ITGA9: variants seen among roughly 807,000 people sequenced by gnomAD.
ITGA9 encodes integrin alpha-9.
ITGA9 carries 56 observed loss-of-function variants against 127.8 expected under a neutral mutation model. The observed-to-expected ratio is 0.44, with a 90% confidence interval of 0.35 to 0.55. ITGA9 has a LOEUF of 0.55. ITGA9 is among the 20% of genes least tolerant of loss of function. ITGA9 has a pLI of 0.00. For synonymous variants in ITGA9, 508 were observed against 514.5 expected (o/e 0.99, Z 0.17); for missense variants, 1,196 against 1,347.1 (o/e 0.89, Z 1.76).
Position 37,535,769 on chromosome 3 carries a change from G to T in ITGA9, c.1528+2301G>T, listed in dbSNP as rs546853592. 2.6e-5 allele frequency among the ~76,000 whole-genome samples: 4 copies of T among 152,312 alleles called. No homozygotes were observed. In the East Asian group the frequency reaches 7.7e-4, roughly 29 times the overall value. Reference sequence around the variant, plus strand: ...TTCCCCGATAATCAGGCTTAAAGGGGATGGTAACTGGAGAATTTTGATATC... The same window carrying T: ...TTCCCCGATAATCAGGCTTAAAGGGTATGGTAACTGGAGAATTTTGATATC... On this transcript the variant is annotated intron_variant, in intron 14 of 27. Transcript: ENST00000264741.
chr3:37,473,202 C>T, intron 2 of ITGA9, 152 bp from the exon 3 acceptor site: 1 of 325,056 alleles, frequency 3.1e-6, no homozygotes, highest in Non-Finnish European at 5.9e-6. Flanking sequence ...AAACAGTTGT[C>T]TGGATTAAAC....
chr3:37,628,442 C>T (rs1025045088), intron 15 of ITGA9, among the ~76,000 whole-genome samples: 2 of 152,176 alleles, frequency 1.3e-5, no homozygotes, highest in African/African-American at 4.8e-5. Context: ...CTTTACCAGC[C>T]ATGTGCCCTG....
At chr3:37,818,659 T>C (rs1697472013) in intron 27 of ITGA9, 1 of 571,988 alleles carries the variant, frequency 1.7e-6, no homozygotes, top group Admixed American at 2.9e-5. Flanking sequence ...AGATGCATTT[T>C]AGAAGGAACA....
At chr3:37,637,200 T>C (rs1299124543) in intron 16 of ITGA9, among the ~76,000 whole-genome samples, 1 of 152,184 alleles carries the variant, frequency 6.6e-6, no homozygotes, top group Non-Finnish European at 1.5e-5. Context: ...GGGGATGGCA[T>C]TGAATCTATA....
intron 26 of ITGA9, among the ~76,000 whole-genome samples, chr3:37,798,382 A>G (rs1697199202): frequency 6.6e-6 from 1 of 152,258 alleles, no homozygotes; most frequent in Admixed American, 6.5e-5. Context: ...AAAGATGATT[A>G]CATATCCTTT....
At position 37,519,372 on chromosome 3, in the gene ITGA9, G is replaced by T. The variant is rs1699021905; in HGVS notation, c.1236+18G>T. The T allele has an allele frequency of 8.9e-6, 14 of 1,573,070 alleles. No homozygotes were observed. The highest frequency in any genetic ancestry group is 1.3e-5 in the African/African-American group (1 of 74,328). On this transcript the variant is annotated intron_variant, in intron 11 of 27. Coordinates refer to ENST00000264741, the MANE Select transcript of ITGA9 (RefSeq NM_002207.3). ...ACTCAATGGTAATTAGTGTGAGAGT[G>T]ATATGGCAACTGTTCATACATTCAT...
intron 16 of ITGA9, among the ~76,000 whole-genome samples, chr3:37,638,558 C>T (rs1483483671): frequency 6.6e-6 from 1 of 151,970 alleles, no homozygotes; most frequent in Non-Finnish European, 1.5e-5. Flanking sequence ...TGATCTTTAA[C>T]CTGTGTATAT....
At chr3:37,776,537 A>C (rs1421739306) in intron 23 of ITGA9, among the ~76,000 whole-genome samples, 1 of 152,268 alleles carries the variant, frequency 6.6e-6, no homozygotes, top group Non-Finnish European at 1.5e-5. Context: ...TTAACCTCAC[A>C]TCCTGTCCAG....
chr3:37,490,230 C>A (rs562594357), intron 4 of ITGA9, among the ~76,000 whole-genome samples: 1 of 151,988 alleles, frequency 6.6e-6, no homozygotes, highest in Non-Finnish European at 1.5e-5. Context: ...TTAGAACTGG[C>A]GGGAAAGTTG....
At chr3:37,728,416 A>G (rs761895527) in intron 18 of ITGA9, among the ~76,000 whole-genome samples, 1 of 152,150 alleles carries the variant, frequency 6.6e-6, no homozygotes, top group Non-Finnish European at 1.5e-5. Context: ...TTTTATTTTT[A>G]TTTAAAGAAT....
chr3:37,517,465 T>C (rs1486869744), intron 9 of ITGA9, 39 bp from the exon 10 acceptor site: 2 of 1,401,528 alleles, frequency 1.4e-6, no homozygotes, highest in Non-Finnish European at 2.0e-6. Flanking sequence ...TGTTTGTTTT[T>C]GTTTTGTTTT....
intron 15 of ITGA9, among the ~76,000 whole-genome samples, chr3:37,567,357 G>C (rs1559538586): frequency 1.3e-5 from 2 of 152,180 alleles, no homozygotes; most frequent in Non-Finnish European, 2.9e-5. Flanking sequence ...TCCCATGACA[G>C]TGAGAATTGT....
At chr3:37,741,964 C>CT (rs1330213401) in intron 21 of ITGA9, 145 bp downstream of exon 21, 7 of 719,364 alleles carry the variant, frequency 9.7e-6, no homozygotes, top group Non-Finnish European at 1.8e-5. Context: ...CAGGATGAAG[C>CT]TTTAGCTGCA....
intron 15 of ITGA9, among the ~76,000 whole-genome samples, chr3:37,602,583 A>T (rs1347675513): frequency 6.6e-6 from 1 of 152,172 alleles, no homozygotes; most frequent in African/African-American, 2.4e-5. Context: ...TAAATCAGAT[A>T]TACTTTTCTA....
At chr3:37,750,324 C>T (rs1696566971) in intron 22 of ITGA9, 138 bp from the exon 23 acceptor site, 1 of 671,928 alleles carries the variant, frequency 1.5e-6, no homozygotes, top group African/African-American at 1.8e-5. Flanking sequence ...CACTTTACTT[C>T]AAGTTGTGAC....
intron 25 of ITGA9, among the ~76,000 whole-genome samples, chr3:37,782,696 G>A (rs1378102695): frequency 6.6e-6 from 1 of 152,222 alleles, no homozygotes; most frequent in Non-Finnish European, 1.5e-5. Context: ...CGAAGGATGT[G>A]GAGCAGCGCC....
intron 7 of ITGA9, among the ~76,000 whole-genome samples, chr3:37,506,498 C>T (rs1437331529): frequency 6.6e-6 from 1 of 152,178 alleles, no homozygotes; most frequent in Admixed American, 6.5e-5. Flanking sequence ...TTTATTCATG[C>T]CCCAAATTAT....
chr3:37,769,786 G>A (rs1374020296), intron 23 of ITGA9, among the ~76,000 whole-genome samples: 1 of 152,198 alleles, frequency 6.6e-6, no homozygotes, highest in Admixed American at 6.5e-5. Flanking sequence ...TATGAGAGGG[G>A]CTGACTTCCT....
Position 37,452,622 on chromosome 3 carries a change from GCGC to G in ITGA9, c.185+74_185+76del, listed in dbSNP as rs1052523613. 8.8e-6 allele frequency: 12 copies of G among 1,356,314 alleles called. No homozygotes were observed. Among genetic ancestry groups the G allele is most frequent in the Non-Finnish European group, 1.2e-5 (12 of 1,034,068 alleles). 84.0% of individuals were successfully genotyped at this position (1,356,314 alleles called of 1,614,324 possible). A position where few individuals can be genotyped will look rare whatever the true frequency, so the allele number is the denominator to read the frequency against. ...GGCCACCGCCCCGGCCCCCAGGCCA[GCGC>G]CGCCGCCGCCTTTCCGGTCTCTTCC... On this transcript the variant is annotated intron_variant, in intron 1 of 27. Transcript: ENST00000264741. The surrounding 1 kb of genome is among the most constrained non-coding windows in gnomAD (Gnocchi z 7.3).
Sources: allele counts gnomAD v4.1 joint callset (sites outside exome capture counted in the v4.1 genomes callset), GRCh38; gene constraint gnomAD v4.1.1; non-coding constraint Gnocchi (gnomAD v3.1); transcripts MANE v1.5; gene names NCBI Gene and HGNC (gene_info 2026-07-23, HGNC 2026-07-21).